The following MED27 variants were observed in gnomAD, a reference collection of about 807,000 sequenced individuals.
The protein encoded by MED27 is mediator complex subunit 27.
MED27 carries 30 observed loss-of-function variants against 38.2 expected under a neutral mutation model. That is an observed-to-expected ratio of 0.79 (90% CI 0.59 to 1.07). MED27 has a LOEUF of 1.07. MED27 is among the 50% of genes least tolerant of loss of function. The pLI is 0.00. For synonymous variants in MED27, 122 were observed against 153.5 expected (o/e 0.79, Z 1.52); for missense variants, 289 against 397.5 (o/e 0.73, Z 2.32).
chr9:131,924,131 A>G (rs550807983), intron 4 of MED27, among the ~76,000 whole-genome samples: 1 of 152,364 alleles, frequency 6.6e-6, no homozygotes, highest in East Asian at 1.9e-4. Flanking sequence ...TGTGATGTAC[A>G]TAGTTTTCTT....
At chr9:131,896,825 G>T (rs955621917) in intron 4 of MED27, among the ~76,000 whole-genome samples, 3 of 152,108 alleles carry the variant, frequency 2.0e-5, no homozygotes, top group Non-Finnish European at 2.9e-5. Flanking sequence ...TCCGCCTCCC[G>T]GGTTCAAGCG....
chr9:131,992,569 T>A (rs893428341), intron 3 of MED27, among the ~76,000 whole-genome samples: 16 of 152,106 alleles, frequency 1.1e-4, no homozygotes, highest in Admixed American at 2.0e-4. Context: ...TGCTATTTTT[T>A]AAAAAAATTT....
chr9:132,007,282 A>C (rs1357998397), intron 3 of MED27, among the ~76,000 whole-genome samples: 1 of 152,200 alleles, frequency 6.6e-6, no homozygotes, highest in Non-Finnish European at 1.5e-5. Context: ...TCTCTCTTGA[A>C]AGTATTACAA....
intron 6 of MED27, chr9:131,868,948 GC>G (rs1256231428): frequency 1.2e-5 from 12 of 985,360 alleles, no homozygotes; most frequent in Non-Finnish European, 1.4e-5. Context: ...ATGCGCCACA[GC>G]CCTGCTGGGC....
chr9:131,926,886 A>G (rs1373633260), intron 4 of MED27, among the ~76,000 whole-genome samples: 1 of 152,200 alleles, frequency 6.6e-6, no homozygotes, highest in Admixed American at 6.5e-5. Context: ...ATGATAAAAT[A>G]CCAATATATA....
chr9:131,903,903 T>C (rs1309883028), intron 4 of MED27, among the ~76,000 whole-genome samples: 2 of 151,020 alleles, frequency 1.3e-5, no homozygotes, highest in East Asian at 1.9e-4. Flanking sequence ...TTTTTTTTTT[T>C]TTTTCTTTTT....
intron 4 of MED27, among the ~76,000 whole-genome samples, chr9:131,932,088 A>G (rs1158350219): frequency 6.6e-6 from 1 of 152,124 alleles, no homozygotes; most frequent in Non-Finnish European, 1.5e-5. Flanking sequence ...ATAAGACTAC[A>G]TGGACCATTC....
intron 3 of MED27, among the ~76,000 whole-genome samples, chr9:131,986,342 C>T (rs553848664): frequency 8.6e-4 from 131 of 152,148 alleles, no homozygotes; most frequent in African/African-American, 3.1e-3. Context: ...CATTTTTTAT[C>T]TTTCTTTTTG....
At chr9:131,906,450 A>C (rs376803028) in intron 4 of MED27, among the ~76,000 whole-genome samples, 1 of 151,534 alleles carries the variant, frequency 6.6e-6, no homozygotes, top group African/African-American at 2.4e-5. Flanking sequence ...AGGAACAGAA[A>C]GGAGGTCGGA....
intron 4 of MED27, among the ~76,000 whole-genome samples, chr9:131,925,276 A>T (rs1462802349): frequency 1.3e-5 from 2 of 152,248 alleles, no homozygotes; most frequent in Non-Finnish European, 2.9e-5. Context: ...TAAGAGTTGT[A>T]TATATTTATG....
chr9:131,964,614 G>A (rs1005206855), intron 3 of MED27, among the ~76,000 whole-genome samples: 2 of 152,032 alleles, frequency 1.3e-5, no homozygotes, highest in Non-Finnish European at 2.9e-5. Context: ...GAAAGAAGGC[G>A]GCAAGGAGAA....
At chr9:131,884,666 G>T (rs1478387831) in intron 5 of MED27, among the ~76,000 whole-genome samples, 1 of 147,830 alleles carries the variant, frequency 6.8e-6, no homozygotes, top group Non-Finnish European at 1.5e-5. Context: ...GGAGTGCAGT[G>T]GCGTGATCTC....
At chr9:132,027,684 G>A (rs1333754331) in intron 2 of MED27, among the ~76,000 whole-genome samples, 1 of 151,976 alleles carries the variant, frequency 6.6e-6, no homozygotes, top group African/African-American at 2.4e-5. Flanking sequence ...GACGTGAACT[G>A]ATGTGAGTCT....
At chr9:131,879,855 G>T (rs1167838428) in intron 6 of MED27, among the ~76,000 whole-genome samples, 1 of 152,244 alleles carries the variant, frequency 6.6e-6, no homozygotes, top group Non-Finnish European at 1.5e-5. Flanking sequence ...ATATAAGTGG[G>T]TGGACAGGAG....
chr9:131,943,453 T>C (rs1013372465), intron 3 of MED27, among the ~76,000 whole-genome samples: 30 of 152,154 alleles, frequency 2.0e-4, no homozygotes, highest in African/African-American at 5.6e-4. Context: ...TGAGCACGGC[T>C]AGCGTCTGCA....
intron 5 of MED27, among the ~76,000 whole-genome samples, chr9:131,887,407 T>C (rs4380988): frequency 0.56 from 84,825 of 151,968 alleles, 24,968 homozygotes; most frequent in Middle Eastern, 0.67. Flanking sequence ...ATTTACCTGG[T>C]GCGCATGGGT....
chr9:132,010,216 G>C (rs1462124919), intron 3 of MED27, among the ~76,000 whole-genome samples: 1 of 152,126 alleles, frequency 6.6e-6, no homozygotes, highest in Non-Finnish European at 1.5e-5. Flanking sequence ...ATTTAAGTGG[G>C]TGAAGGATAT....
chr9:131,878,970 T>C (rs1193770638), intron 6 of MED27, among the ~76,000 whole-genome samples: 2 of 152,166 alleles, frequency 1.3e-5, no homozygotes, highest in Non-Finnish European at 2.9e-5. Context: ...TTAGCAGCCA[T>C]AGACCCATAG....
At chr9:131,923,100 G>T (rs1457069768) in intron 4 of MED27, among the ~76,000 whole-genome samples, 2 of 152,166 alleles carry the variant, frequency 1.3e-5, no homozygotes, top group Non-Finnish European at 2.9e-5. Flanking sequence ...TGTTGCTGGG[G>T]TCTCACTGCT....
Sources: allele counts gnomAD v4.1 joint callset (sites outside exome capture counted in the v4.1 genomes callset), GRCh38; gene constraint gnomAD v4.1.1; transcripts MANE v1.5; gene names NCBI Gene and HGNC (gene_info 2026-07-23, HGNC 2026-07-21).